MCC: variants seen among roughly 807,000 people sequenced by gnomAD.
The protein encoded by MCC is colorectal mutant cancer protein.
MCC carries 90 observed loss-of-function variants against 116.2 expected under a neutral mutation model. The ratio of observed to expected loss-of-function variants is 0.77; its 90% CI spans 0.65 to 0.92. MCC has a LOEUF of 0.92. Among genes scored for constraint, MCC ranks in the 40% least tolerant of loss-of-function variants. MCC has a pLI of 0.00. For synonymous variants in MCC, 578 were observed against 510.5 expected (o/e 1.13, Z -1.78); for missense variants, 1,516 against 1,312.2 (o/e 1.16, Z -2.40).
intron 1 of MCC, among the ~76,000 whole-genome samples, chr5:113,399,243 T>A (rs1248954371): frequency 6.6e-6 from 1 of 152,188 alleles, no homozygotes; most frequent in African/African-American, 2.4e-5. Context: ...CCCAGCACTT[T>A]GGGAGGCCGA....
chr5:113,481,417 T>G (rs1019903934), intron 1 of MCC, among the ~76,000 whole-genome samples: 13 of 152,090 alleles, frequency 8.5e-5, no homozygotes, highest in Admixed American at 8.5e-4. Flanking sequence ...ATTAAATTAA[T>G]TAAATAAATA....
At chr5:113,400,936 G>A (rs1186049874) in intron 1 of MCC, among the ~76,000 whole-genome samples, 3 of 152,104 alleles carry the variant, frequency 2.0e-5, no homozygotes, top group Non-Finnish European at 4.4e-5. Flanking sequence ...ATATATCAGT[G>A]TCCTTCCAAA....
intron 3 of MCC, among the ~76,000 whole-genome samples, chr5:113,209,777 A>AT (rs1164528471): frequency 6.6e-6 from 1 of 152,172 alleles, no homozygotes; most frequent in Non-Finnish European, 1.5e-5. Flanking sequence ...CTGGGATGTC[A>AT]TGTTTATGGT....
At chr5:113,205,750 C>G (rs530299269) in intron 3 of MCC, among the ~76,000 whole-genome samples, 5 of 152,240 alleles carry the variant, frequency 3.3e-5, no homozygotes, top group African/African-American at 1.2e-4. Flanking sequence ...TTCAAGTCAG[C>G]AGATTAGAGG....
intron 1 of MCC, among the ~76,000 whole-genome samples, chr5:113,430,702 G>T (rs567600890): frequency 1.3e-5 from 2 of 152,322 alleles, no homozygotes; most frequent in South Asian, 4.1e-4. Flanking sequence ...GCATGGAAAA[G>T]TAAGTTCTGG....
chr5:113,229,289 A>G (rs993765669), intron 3 of MCC, among the ~76,000 whole-genome samples: 1 of 152,236 alleles, frequency 6.6e-6, no homozygotes, highest in Non-Finnish European at 1.5e-5. Flanking sequence ...TGCCTATTTA[A>G]AATGTTCAGA....
intron 11 of MCC, among the ~76,000 whole-genome samples, chr5:113,073,679 T>A (rs1330338718): frequency 1.4e-5 from 2 of 147,452 alleles, no homozygotes; most frequent in Admixed American, 1.3e-4. Flanking sequence ...TTCTTTTAAA[T>A]CCATCTCAAT....
At position 113,043,543 on chromosome 5, in the gene MCC, T is replaced by C; in HGVS notation, c.2743A>G (p.Asn915Asp). ...AAGGGTGCTTACCGACGAATGGCGT[T>C]GGTGAACTCCGCAGCCAGCTCATTC... is the stretch of plus-strand genomic sequence containing the variant. ...SENELAAEFT[N>D]AIRREKKLKA... Residue 915 changes from asparagine (N) to aspartate (D), a missense_variant, in exon 17 of 19, where the codon AAC (asparagine) becomes GAC (aspartate). Asn to Asp is a conservative substitution (Grantham distance 23). Coordinates refer to ENST00000408903, the MANE Select transcript of MCC (RefSeq NM_001085377.2). 1 of 1,614,040 alleles carries C rather than the reference T, an allele frequency of 6.2e-7. No individual in the cohort carries two copies. Among genetic ancestry groups the C allele is most frequent in the Non-Finnish European group, 8.5e-7 (1 of 1,179,976 alleles).
intron 16 of MCC, among the ~76,000 whole-genome samples, chr5:113,048,249 C>T (rs1048180405): frequency 1.3e-5 from 2 of 152,168 alleles, no homozygotes; most frequent in South Asian, 2.1e-4. Flanking sequence ...TCTGTGGTTT[C>T]GGTTCCTCAA....
At chr5:113,213,301 C>T (rs1425881797) in intron 3 of MCC, among the ~76,000 whole-genome samples, 1 of 152,154 alleles carries the variant, frequency 6.6e-6, no homozygotes, top group East Asian at 1.9e-4. Context: ...AGAAATACCA[C>T]AAGGGGTTAA....
chr5:113,136,049 A>C (rs1758804210), intron 5 of MCC, among the ~76,000 whole-genome samples: 1 of 152,190 alleles, frequency 6.6e-6, no homozygotes, highest in South Asian at 2.1e-4. Context: ...TGTCTCAAAA[A>C]TAAATAAATA....
At chr5:113,219,696 T>C (rs1408387008) in intron 3 of MCC, among the ~76,000 whole-genome samples, 1 of 152,212 alleles carries the variant, frequency 6.6e-6, no homozygotes. Context: ...TGAGGTTTGT[T>C]TTCTTAAAGT....
chr5:113,473,296 G>A (rs1772144114), intron 1 of MCC, among the ~76,000 whole-genome samples: 1 of 152,146 alleles, frequency 6.6e-6, no homozygotes. Context: ...GGACAAGACA[G>A]GAGGATCACT....
chr5:113,146,169 C>T (rs2150288109), intron 4 of MCC, among the ~76,000 whole-genome samples: 1 of 152,284 alleles, frequency 6.6e-6, no homozygotes, highest in Non-Finnish European at 1.5e-5. Context: ...TTCCTCTACA[C>T]AGATCAGACA....
chr5:113,455,057 T>C (rs1425029822), intron 1 of MCC, among the ~76,000 whole-genome samples: 2 of 152,132 alleles, frequency 1.3e-5, no homozygotes, highest in African/African-American at 4.8e-5. Context: ...GTGCACTCCC[T>C]TTCCACCTGT....
At chr5:113,147,859 T>C (rs1180997170) in intron 4 of MCC, among the ~76,000 whole-genome samples, 1 of 152,200 alleles carries the variant, frequency 6.6e-6, no homozygotes, top group Non-Finnish European at 1.5e-5. Context: ...AGAAAAGTTA[T>C]CTCAGAAAAC....
intron 5 of MCC, among the ~76,000 whole-genome samples, chr5:113,134,302 C>A (rs1462761656): frequency 1.3e-5 from 2 of 152,080 alleles, no homozygotes; most frequent in African/African-American, 4.8e-5. Flanking sequence ...TCCACTTTTC[C>A]CAGCACCATT....
chr5:113,294,479 T>G lies in MCC; in HGVS notation c.627+46040A>C, dbSNP rs1002085076. ...TCAATATCCACTGCTTGGTCCCTTC[T>G]GCCACATTTTAGTCTAGACAGCCAT... On this transcript the variant is annotated intron_variant, in intron 3 of 18. Transcript: ENST00000408903. The G allele has an allele frequency of 5.6e-5, 90 of 1,594,584 alleles. No individual in the cohort carries two copies. In the South Asian group the frequency reaches 9.2e-4, roughly 16 times the overall value.
chr5:113,210,683 T>A (rs1158121531), intron 3 of MCC, among the ~76,000 whole-genome samples: 4 of 152,194 alleles, frequency 2.6e-5, no homozygotes, highest in Admixed American at 2.0e-4. Flanking sequence ...AGGTTCATGA[T>A]ACCAGGGAAG....
Sources: gnomAD v4.1 joint callset for allele counts (sites outside exome capture counted in the v4.1 genomes callset) on GRCh38, gnomAD v4.1.1 for gene constraint, MANE v1.5 for transcripts, NCBI Gene and HGNC (gene_info 2026-07-23, HGNC 2026-07-21) for gene names.